CSMD1: variants seen among roughly 807,000 people sequenced by gnomAD.
CSMD1 encodes CUB and Sushi multiple domains 1.
Under a neutral mutation model 417.5 loss-of-function variants are expected in CSMD1, and 213 were observed. That is an observed-to-expected ratio of 0.51 (90% CI 0.46 to 0.57). The LOEUF is 0.57. Among genes scored for constraint, CSMD1 ranks in the 20% least tolerant of loss-of-function variants. CSMD1 has a pLI of 0.00. For synonymous variants in CSMD1, 2,862 were observed against 1,736.8 expected, an observed-to-expected ratio of 1.65 and a Z score of -16.11; for missense variants, 6,923 against 4,529.7, an observed-to-expected ratio of 1.53 and a Z score of -15.17.
Position 4,457,206 on chromosome 8 carries a change from G to A in CSMD1, c.303-37141C>T, listed in dbSNP as rs180723676. ...AAATGTGTCCTGTTAAACACATGTG[G>A]AGGGAAGGGGGGAACTCATCTTTCC... On this transcript the variant is annotated intron_variant, in intron 2 of 69. Transcript: ENST00000635120. Among the ~76,000 whole-genome samples the A allele has an allele frequency of 1.4e-3, 215 of 152,226 alleles. 1 individual carries two copies. Among genetic ancestry groups the A allele is most frequent in the African/African-American group, 4.8e-3 (199 of 41,538 alleles).
At chr8:3,625,680 AAAT>A (rs1469555315) in intron 7 of CSMD1, among the ~76,000 whole-genome samples, 1 of 152,172 alleles carries the variant, frequency 6.6e-6, no homozygotes, top group Non-Finnish European at 1.5e-5. Flanking sequence ...TGTACATAAA[AAAT>A]AAAACGATTT....
intron 1 of CSMD1, among the ~76,000 whole-genome samples, chr8:4,988,136 C>G (rs890445109): frequency 6.6e-6 from 1 of 152,320 alleles, no homozygotes; most frequent in Non-Finnish European, 1.5e-5. Flanking sequence ...AACAATTTGA[C>G]TCCTTCATGT....
intron 8 of CSMD1, among the ~76,000 whole-genome samples, chr8:3,606,622 G>C (rs927347100): frequency 6.6e-6 from 1 of 151,828 alleles, no homozygotes; most frequent in Non-Finnish European, 1.5e-5. Context: ...TAGAAACACT[G>C]TATCCTTGGG....
At position 3,443,286 on chromosome 8, in the gene CSMD1, G is replaced by A. The variant is rs191635704; in HGVS notation, c.1561+25426C>T. 6.6e-4 allele frequency among the ~76,000 whole-genome samples: 100 copies of A among 152,276 alleles called. 1 individual carries two copies. The East Asian group carries it at 0.017, about 27-fold the overall frequency. On this transcript the variant is annotated intron_variant, in intron 12 of 69. Transcript: ENST00000635120. ...GGTTGGAAGACTGATTGAATAAACTGTGGCCTCTCCATCTACTCTGTGGAG... is the reference window on the plus strand; with the variant it reads ...GGTTGGAAGACTGATTGAATAAACTATGGCCTCTCCATCTACTCTGTGGAG...
intron 10 of CSMD1, among the ~76,000 whole-genome samples, chr8:3,494,697 TGA>T (rs34003210): frequency 1.3e-5 from 2 of 150,684 alleles, no homozygotes; most frequent in African/African-American, 4.9e-5. Context: ...AATATATAAA[TGA>T]GAGAGAGAGA....
At chr8:4,412,072 T>C (rs1407154845) in intron 3 of CSMD1, among the ~76,000 whole-genome samples, 3 of 152,076 alleles carry the variant, frequency 2.0e-5, no homozygotes, top group Admixed American at 6.6e-5. Context: ...ATAGTTCAGA[T>C]ATTTCTCAAC....
intron 22 of CSMD1, among the ~76,000 whole-genome samples, chr8:3,345,517 T>C (rs771393157): frequency 1.3e-5 from 2 of 152,180 alleles, no homozygotes; most frequent in Non-Finnish European, 2.9e-5. Flanking sequence ...GGAGTGGAAG[T>C]CAGAAGACTT....
intron 3 of CSMD1, among the ~76,000 whole-genome samples, chr8:4,133,085 G>A (rs1314760818): frequency 1.3e-5 from 2 of 151,964 alleles, no homozygotes; most frequent in African/African-American, 4.8e-5. Flanking sequence ...ACAGGTGTAC[G>A]CCACCATGCC....
chr8:3,673,196 C>A (rs1036841992), intron 7 of CSMD1, among the ~76,000 whole-genome samples: 1 of 152,192 alleles, frequency 6.6e-6, no homozygotes, highest in African/African-American at 2.4e-5. Flanking sequence ...AATTATTCAA[C>A]CACATATGCC....
intron 5 of CSMD1, among the ~76,000 whole-genome samples, chr8:3,925,199 T>C (rs1186938021): frequency 6.6e-6 from 1 of 152,250 alleles, no homozygotes; most frequent in Non-Finnish European, 1.5e-5. Context: ...GTGTGTGTTT[T>C]CAATTTGCTA....
intron 3 of CSMD1, among the ~76,000 whole-genome samples, chr8:4,065,800 C>A (rs1286202558): frequency 6.6e-6 from 1 of 152,170 alleles, no homozygotes; most frequent in Non-Finnish European, 1.5e-5. Flanking sequence ...CAGAAAATAA[C>A]TGTACTGCTT....
intron 56 of CSMD1, 24 bp from the exon 57 acceptor site, chr8:2,973,323 CA>C (rs748199971): frequency 6.2e-7 from 1 of 1,606,718 alleles, no homozygotes; most frequent in East Asian, 2.2e-5. Flanking sequence ...ACACATACGG[CA>C]ATCCACAATT....
Position 4,795,703 on chromosome 8 carries a change from A to T in CSMD1, c.86-158145T>A, listed in dbSNP as rs6987623. Among the ~76,000 whole-genome samples the T allele has an allele frequency of 5.8e-3, 884 of 152,252 alleles. 12 individuals are homozygous for T. The highest frequency in any genetic ancestry group is 0.021 in the African/African-American group (862 of 41,544). On this transcript the variant is annotated intron_variant, in intron 1 of 69. Transcript: ENST00000635120. The stretch of plus-strand genomic sequence containing the variant: ...ATCTTCTGTGAACTGGGATCCGCAG[A>T]TCCAGGCGGAGAGGCATCCTGACAG...
chr8:3,172,496 C>T (rs556902955), intron 37 of CSMD1, among the ~76,000 whole-genome samples: 2 of 152,050 alleles, frequency 1.3e-5, no homozygotes, highest in Admixed American at 1.3e-4. Flanking sequence ...CTAATTGTGC[C>T]CCCACCTCAA....
At chr8:4,929,439 T>G (rs1014509688) in intron 1 of CSMD1, among the ~76,000 whole-genome samples, 3 of 152,212 alleles carry the variant, frequency 2.0e-5, no homozygotes, top group East Asian at 3.9e-4. Context: ...ATTAGAAGTT[T>G]AATTCACAAA....
chr8:4,259,483 T>G (rs189695006), intron 3 of CSMD1, among the ~76,000 whole-genome samples: 20 of 152,198 alleles, frequency 1.3e-4, no homozygotes, highest in African/African-American at 4.8e-4. Flanking sequence ...AATTAAATTT[T>G]CATACATAAA....
intron 3 of CSMD1, among the ~76,000 whole-genome samples, chr8:4,190,711 C>G (rs995037240): frequency 1.3e-5 from 2 of 151,962 alleles, no homozygotes; most frequent in African/African-American, 4.8e-5. Context: ...AAACATTTTA[C>G]AGAAAATCAT....
intron 11 of CSMD1, among the ~76,000 whole-genome samples, chr8:3,484,827 T>A (rs570801424): frequency 6.6e-6 from 1 of 152,166 alleles, no homozygotes; most frequent in African/African-American, 2.4e-5. Context: ...TGACAAAATG[T>A]TCAGTATCAT....
intron 3 of CSMD1, among the ~76,000 whole-genome samples, chr8:4,055,682 C>G (rs1017053276): frequency 6.6e-6 from 1 of 151,940 alleles, no homozygotes; most frequent in Non-Finnish European, 1.5e-5. Context: ...ACCAAAGTAA[C>G]AATATACTTT....
Sources: gnomAD v4.1 joint callset for allele counts (sites outside exome capture counted in the v4.1 genomes callset) on GRCh38, gnomAD v4.1.1 for gene constraint, MANE v1.5 for transcripts, NCBI Gene and HGNC (gene_info 2026-07-23, HGNC 2026-07-21) for gene names.